The following RPAP3 variants were observed in gnomAD, a reference collection of about 807,000 sequenced individuals.
RPAP3 encodes RNA polymerase II-associated protein 3.
Under a neutral mutation model 88.8 loss-of-function variants are expected in RPAP3, and 58 were observed. The observed-to-expected ratio is 0.65, with a 90% CI of 0.53 to 0.81. The LOEUF (loss-of-function observed/expected upper bound fraction) is 0.81, where lower values mean the gene tolerates loss of function less well. RPAP3 is among the 40% of genes least tolerant of loss of function. The pLI is 0.00. For synonymous variants in RPAP3, 255 were observed against 259.9 expected (o/e 0.98, Z 0.18); for missense variants, 751 against 764.3 (o/e 0.98, Z 0.20).
intron 8 of RPAP3, 87 bp from the exon 9 acceptor site, chr12:47,686,994 T>A: frequency 1.3e-6 from 1 of 747,802 alleles, no homozygotes; most frequent in Non-Finnish European, 2.0e-6. Flanking sequence ...ACTGCAAGGA[T>A]ATTCACCAAC....
Position 47,697,678 on chromosome 12 carries a change from A to T in RPAP3, c.336T>A (p.His112Gln). The change falls in exon 4 of 17, where the codon CAT becomes CAA. Residue 112 changes from histidine to glutamine, a missense_variant. Coordinates refer to ENST00000005386, the MANE Select transcript of RPAP3 (RefSeq NM_024604.3). ...LDELDKDDST[H>Q]ESLSQESESE... Reference sequence around the variant, plus strand: ...ACTCTGATTCTTGAGACAGAGACTCATGGGTACTATCGTCTTTGTCAAGCT... The same window carrying T: ...ACTCTGATTCTTGAGACAGAGACTCTTGGGTACTATCGTCTTTGTCAAGCT... The T allele has an allele frequency of 6.2e-7, 1 of 1,609,798 alleles. No individual in the cohort carries two copies.
At chr12:47,678,549 C>T (rs968065101) in intron 12 of RPAP3, among the ~76,000 whole-genome samples, 12 of 151,956 alleles carry the variant, frequency 7.9e-5, no homozygotes, top group African/African-American at 2.9e-4. Flanking sequence ...AACAAATTTA[C>T]AAGAAAAAAA....
chr12:47,690,944 A>G (rs1184177161), intron 5 of RPAP3, among the ~76,000 whole-genome samples: 1 of 152,232 alleles, frequency 6.6e-6, no homozygotes, highest in Non-Finnish European at 1.5e-5. Flanking sequence ...AAGTGTGCAA[A>G]AGCTTTATGT....
chr12:47,684,848 T>G (rs543582965), intron 9 of RPAP3, among the ~76,000 whole-genome samples: 3 of 152,344 alleles, frequency 2.0e-5, no homozygotes, highest in South Asian at 2.1e-4. Flanking sequence ...ATCTTCACTC[T>G]GACTAGTCAA....
chr12:47,667,903 C>A lies in RPAP3; in HGVS notation c.1714-52G>T, dbSNP rs780230010. 3 of 1,115,276 alleles carry A rather than the reference C, an allele frequency of 2.7e-6. No homozygotes were observed. In the Admixed American group the frequency reaches 6.0e-5, roughly 22 times the overall value. 69.1% of individuals were successfully genotyped at this position (1,115,276 alleles called of 1,614,324 possible). Reference sequence around the variant, plus strand: ...ACTTGATGGCAACACTTACATATCACAAATTACACAACAATTGCTTGGGTA... The same window carrying A: ...ACTTGATGGCAACACTTACATATCAAAAATTACACAACAATTGCTTGGGTA... On this transcript the variant is annotated intron_variant, in intron 14 of 16. Coordinates refer to ENST00000005386, the MANE Select transcript of RPAP3 (RefSeq NM_024604.3).
chr12:47,695,017 C>A (rs1177993743), intron 5 of RPAP3, among the ~76,000 whole-genome samples: 1 of 151,840 alleles, frequency 6.6e-6, no homozygotes, highest in Non-Finnish European at 1.5e-5. Flanking sequence ...CATTTTATGA[C>A]CCAACACCAA....
chr12:47,704,983 C>CA (rs377069342), intron 1 of RPAP3, among the ~76,000 whole-genome samples: 15 of 141,548 alleles, frequency 1.1e-4, no homozygotes, highest in African/African-American at 2.6e-4. Context: ...AGCCTGGGAC[C>CA]AAAAAAAAAG....
intron 12 of RPAP3, among the ~76,000 whole-genome samples, chr12:47,672,725 G>C (rs1939024322): frequency 6.6e-6 from 1 of 152,018 alleles, no homozygotes; most frequent in African/African-American, 2.4e-5. Context: ...ATCATTTACA[G>C]AACAGTTTAC....
At chr12:47,669,648 A>G (rs893786459) in intron 13 of RPAP3, among the ~76,000 whole-genome samples, 3 of 152,172 alleles carry the variant, frequency 2.0e-5, no homozygotes, top group Non-Finnish European at 2.9e-5. Context: ...TAATTAGTCT[A>G]TATCTTCTAT....
At chr12:47,667,716 T>G in intron 15 of RPAP3, 38 bp downstream of exon 15, 1 of 1,143,072 alleles carries the variant, frequency 8.7e-7, no homozygotes, top group Non-Finnish European at 1.3e-6. Flanking sequence ...TAACATTAAG[T>G]GAGGACTTAC....
chr12:47,667,705 A>C (rs373388238), intron 15 of RPAP3, 49 bp downstream of exon 15: 1 of 1,041,826 alleles, frequency 9.6e-7, no homozygotes, highest in Non-Finnish European at 1.4e-6. Flanking sequence ...AAACCTATCA[A>C]TAACATTAAG....
chr12:47,684,452 T>A (rs939558210), intron 9 of RPAP3, among the ~76,000 whole-genome samples: 3 of 152,188 alleles, frequency 2.0e-5, no homozygotes, highest in African/African-American at 7.2e-5. Context: ...AGTCTAAGCT[T>A]GAAATGTTGC....
At chr12:47,666,734 T>A (rs1938881711) in intron 16 of RPAP3, among the ~76,000 whole-genome samples, 10 of 152,140 alleles carry the variant, frequency 6.6e-5, no homozygotes. Flanking sequence ...TCCTCCTCTG[T>A]AAAAGGAGAG....
chr12:47,702,561 A>T, intron 2 of RPAP3, 127 bp downstream of exon 2: 3 of 832,206 alleles, frequency 3.6e-6, no homozygotes, highest in South Asian at 2.0e-5. Flanking sequence ...ACAAAAAAAA[A>T]GAAAAGAAAA....
In RPAP3 at chr12:47,694,700, GA is replaced by G. The variant is rs563921803; in HGVS notation, c.545+1575del. On this transcript the variant is annotated intron_variant, in intron 5 of 16. Coordinates refer to ENST00000005386, the MANE Select transcript of RPAP3 (RefSeq NM_024604.3). ...AAACACCAAATAGGCATTTCACAGG[GA>G]AAAAAAAGAAAAAAACAAAAATGGA... 8.3e-3 allele frequency among the ~76,000 whole-genome samples: 1,239 copies of G among 149,408 alleles called. 12 individuals carry two copies. The highest frequency in any genetic ancestry group is 0.029 in the African/African-American group (1,194 of 40,820).
At chr12:47,686,339 A>G (rs375740100) in intron 9 of RPAP3, among the ~76,000 whole-genome samples, 1 of 152,204 alleles carries the variant, frequency 6.6e-6, no homozygotes, top group Non-Finnish European at 1.5e-5. Context: ...ACATTTCCAG[A>G]TAAGACTTTG....
In RPAP3 at chr12:47,663,513, C is replaced by T. The variant is rs762762381; in HGVS notation, c.1990G>A (p.Gly664Ser). 3.2e-6 allele frequency: 5 copies of T among 1,580,390 alleles called. No homozygotes were observed. The highest frequency in any genetic ancestry group is 2.3e-5 in the East Asian group (1 of 43,404). The change falls in exon 17 of 17, where the codon GGT (glycine) becomes AGT (serine). Residue 664 changes from glycine to serine, a missense_variant. Physicochemically the swap from Gly to Ser is moderately conservative, Grantham distance 56 (BLOSUM62 0). Transcript: ENST00000005386. ...SSVEELKKRY[G>S]G ...TTCAGCAAAAATGGAAATCAACCACCGTATCTTTTCTTGAGTTCTTCGACA... is the reference window on the plus strand; with the variant it reads ...TTCAGCAAAAATGGAAATCAACCACTGTATCTTTTCTTGAGTTCTTCGACA...
chr12:47,667,670 T>C (rs554579709), intron 15 of RPAP3, 84 bp downstream of exon 15: 10 of 715,404 alleles, frequency 1.4e-5, no homozygotes, highest in Non-Finnish European at 1.9e-5. Flanking sequence ...GTCTTAATCA[T>C]TTTAATTAAA....
At position 47,667,005 on chromosome 12, in the gene RPAP3, C is replaced by G. The variant is rs1332161528; in HGVS notation, c.1887G>C (p.Met629Ile). ...TCTTTTTCTCTGTTTCTGACATAAA[C>G]ATCACTGCCATATCAAACCTTTTTA... ...SELKRFDMAV[M>I]FMSETEKKIA... Residue 629 changes from methionine (M) to isoleucine (I), a missense_variant, in exon 16 of 17, where the codon ATG becomes ATC. By Grantham distance (10) the Met-to-Ile change is conservative (BLOSUM62 1). Coordinates refer to ENST00000005386, the MANE Select transcript of RPAP3 (RefSeq NM_024604.3). The G allele has an allele frequency of 4.5e-6, 7 of 1,540,294 alleles. No homozygotes were observed. The highest frequency in any genetic ancestry group is 5.2e-6 in the Non-Finnish European group (6 of 1,150,622).
Sources: gnomAD v4.1 joint callset for allele counts (sites outside exome capture counted in the v4.1 genomes callset) on GRCh38, gnomAD v4.1.1 for gene constraint, MANE v1.5 for transcripts, NCBI Gene and HGNC (gene_info 2026-07-23, HGNC 2026-07-21) for gene names.